Variants in PIGN observed in about 807,000 individuals in gnomAD.
PIGN encodes GPI ethanolamine phosphate transferase 1.
PIGN carries 117 observed loss-of-function variants against 125.4 expected under a neutral mutation model. The ratio of observed to expected loss-of-function variants is 0.93; its 90% CI spans 0.80 to 1.09. The LOEUF is 1.09. Among genes scored for constraint, PIGN ranks in the 50% least tolerant of loss-of-function variants. The pLI, the probability that PIGN is intolerant of heterozygous loss-of-function variation, is 0.00. For missense variants in PIGN, 1,075 were observed against 1,094.9 expected, an observed-to-expected ratio of 0.98 and a Z score of 0.26; for synonymous variants, 392 against 377.8, an observed-to-expected ratio of 1.04 and a Z score of -0.44.
chr18:62,065,385 C>T (rs2032447267), intron 30 of PIGN, among the ~76,000 whole-genome samples: 3 of 152,122 alleles, frequency 2.0e-5, no homozygotes, highest in African/African-American at 7.2e-5. Flanking sequence ...GATGAACTAA[C>T]AAGAGAATGG....
At chr18:62,134,089 T>C (rs1308936716) in intron 14 of PIGN, among the ~76,000 whole-genome samples, 1 of 152,110 alleles carries the variant, frequency 6.6e-6, no homozygotes, top group Non-Finnish European at 1.5e-5. Flanking sequence ...GTGACCTTGG[T>C]TACTTTCATA....
intron 23 of PIGN, 96 bp from the exon 24 acceptor site, chr18:62,090,674 T>A: frequency 1.5e-6 from 1 of 658,620 alleles, no homozygotes; most frequent in Non-Finnish European, 2.7e-6. Context: ...ATTAAAACAA[T>A]TTGATAATAC....
At chr18:62,063,087 G>A (rs1296455240) in intron 30 of PIGN, among the ~76,000 whole-genome samples, 1 of 150,130 alleles carries the variant, frequency 6.7e-6, no homozygotes, top group Non-Finnish European at 1.5e-5. Context: ...ATGAGAGGAA[G>A]GGAAAACAAA....
intron 28 of PIGN, among the ~76,000 whole-genome samples, chr18:62,077,056 T>A (rs1202371431): frequency 6.6e-6 from 1 of 152,296 alleles, no homozygotes; most frequent in South Asian, 2.1e-4. Flanking sequence ...CCAGTTCTTC[T>A]GGAATAGAAA....
chr18:62,090,439 G>GTA (rs2033901637), intron 24 of PIGN, 37 bp downstream of exon 24: 1 of 1,212,122 alleles, frequency 8.2e-7, no homozygotes, highest in Non-Finnish European at 1.2e-6. Flanking sequence ...GAGACTAATA[G>GTA]TCTCAAATAA....
Position 62,109,945 on chromosome 18 carries a change from A to C in PIGN, c.1463T>G (p.Phe488Cys). 6.2e-7 allele frequency: 1 copy of C among 1,613,524 alleles called. No homozygotes were observed. Among genetic ancestry groups the C allele is most frequent in the Non-Finnish European group, 8.5e-7 (1 of 1,179,606 alleles). ...TGCTACTAAAATGCCAATAGCTACA[A>C]AACTACAAGGCAGGAGATGGCTTGG... is the stretch of plus-strand genomic sequence containing the variant. ...KKPSHLLPCS[F>C]VAIGILVAFF... The change falls in exon 17 of 31, where the codon TTT (phenylalanine) becomes TGT (cysteine). Residue 488 changes from phenylalanine (F) to cysteine (C), a missense_variant. This residue lies in a region of PIGN where 915 missense variants were observed against 908.7 expected (regional missense o/e 1.01). Coordinates refer to ENST00000640252, the MANE Select transcript of PIGN (RefSeq NM_176787.5).
intron 23 of PIGN, among the ~76,000 whole-genome samples, chr18:62,030,064 C>G (rs930075482): frequency 1.3e-5 from 2 of 152,124 alleles, no homozygotes; most frequent in Non-Finnish European, 2.9e-5. Context: ...GGTCAGCCTC[C>G]GAGGCCCTGG....
chr18:62,116,367 T>C (rs928067877), intron 14 of PIGN, among the ~76,000 whole-genome samples: 5 of 152,202 alleles, frequency 3.3e-5, no homozygotes, highest in African/African-American at 4.8e-5. Context: ...TCACTTACAA[T>C]TGATATGGGC....
At chr18:62,153,418 G>A (rs2036608623) in intron 7 of PIGN, 1 of 152,130 alleles carries the variant, frequency 6.6e-6, no homozygotes, top group Non-Finnish European at 1.5e-5. Flanking sequence ...AAGAAAGGAA[G>A]AAAGACATGA....
At chr18:62,151,053 A>C (rs1454698804) in intron 7 of PIGN, among the ~76,000 whole-genome samples, 1 of 152,184 alleles carries the variant, frequency 6.6e-6, no homozygotes, top group Non-Finnish European at 1.5e-5. Context: ...AATATTCTAG[A>C]GATTATTAGC....
At chr18:62,180,277 T>C (rs1046667465) in intron 1 of PIGN, among the ~76,000 whole-genome samples, 2 of 152,320 alleles carry the variant, frequency 1.3e-5, no homozygotes, top group Non-Finnish European at 2.9e-5. Flanking sequence ...AAGTGTGTTT[T>C]TTTCCTGTGT....
chr18:62,041,358 A>T lies in PIGN; in HGVS notation c.*4498T>A, dbSNP rs536814873. 6.6e-6 allele frequency: 1 copy of T among 152,322 alleles called. No individual in the cohort carries two copies. The highest frequency in any genetic ancestry group is 2.4e-5 in the African/African-American group (1 of 41,570). 9.4% of individuals were successfully genotyped at this position (152,322 alleles called of 1,614,324 possible). ...TACAGAGGCAGGAAAAATTGCAGGA[A>T]ATTGTAAAGTTTTCTCACATTAAGG... On this transcript the variant is annotated 3_prime_UTR_variant, in exon 31 of 31. Transcript: ENST00000640252.
intron 2 of PIGN, 175 bp from the exon 3 acceptor site, chr18:62,162,504 CA>C (rs969835079): frequency 1.3e-5 from 2 of 151,868 alleles, no homozygotes; most frequent in Non-Finnish European, 2.9e-5. Flanking sequence ...GAAAGGATGG[CA>C]AAATAACCTT....
chr18:62,095,505 T>C (rs559702550), intron 23 of PIGN, among the ~76,000 whole-genome samples: 179 of 152,284 alleles, frequency 1.2e-3, no homozygotes, highest in Non-Finnish European at 2.3e-3. Context: ...CAAAGCATAA[T>C]TTAAAATCAA....
chr18:62,058,637 AT>A (rs2031904922), intron 30 of PIGN, among the ~76,000 whole-genome samples: 1 of 152,244 alleles, frequency 6.6e-6, no homozygotes, highest in Non-Finnish European at 1.5e-5. Flanking sequence ...ATACATCAAC[AT>A]GTTGAATAGT....
intron 23 of PIGN, among the ~76,000 whole-genome samples, chr18:62,031,452 T>C (rs1483314686): frequency 6.6e-6 from 1 of 152,138 alleles, no homozygotes; most frequent in Non-Finnish European, 1.5e-5. Flanking sequence ...ACCCTTGGAA[T>C]AAAAAGTAGG....
At chr18:62,063,348 G>T (rs879696135) in intron 30 of PIGN, among the ~76,000 whole-genome samples, 1 of 61,818 alleles carries the variant, frequency 1.6e-5, no homozygotes, top group Non-Finnish European at 3.4e-5. Flanking sequence ...ATAGATTTTA[G>T]CCAAAATCTA....
intron 20 of PIGN, chr18:62,105,188 A>G (rs2034587529): frequency 6.1e-6 from 1 of 163,692 alleles, no homozygotes; most frequent in African/African-American, 2.4e-5. Context: ...AGTAGCTTTG[A>G]GACATTTTTG....
At position 62,138,096 on chromosome 18, in the gene PIGN, T is replaced by C. The variant is rs75884724; in HGVS notation, c.1172+147A>G. On this transcript the variant is annotated intron_variant, in intron 14 of 30. Transcript: ENST00000640252. Reference sequence around the variant, plus strand: ...CTGGCTCATTATTTAACAACAGCAATAGAAGAGGATTTCAATTTGGAGTTT... The same window carrying C: ...CTGGCTCATTATTTAACAACAGCAACAGAAGAGGATTTCAATTTGGAGTTT... The C allele has an allele frequency of 1.0e-3, 1,145 of 1,122,118 alleles. 13 individuals carry two copies. In the African/African-American group the frequency reaches 0.017, roughly 17 times the overall value. The allele number at this position is 1,122,118 out of a possible 1,614,324, so 69.5% of individuals were successfully genotyped here. A position where few individuals can be genotyped will look rare whatever the true frequency, so the allele number is the denominator to read the frequency against.
Sources: allele counts gnomAD v4.1 joint callset (sites outside exome capture counted in the v4.1 genomes callset), GRCh38; gene constraint gnomAD v4.1.1; regional missense constraint gnomAD v4.1.1; transcripts MANE v1.5; gene names NCBI Gene and HGNC (gene_info 2026-07-23, HGNC 2026-07-21).